The following CLASRP variants were observed in gnomAD, a reference collection of about 807,000 sequenced individuals.
The protein encoded by CLASRP is CLK4 associating serine/arginine rich protein, also known as CLK4-associating serine/arginine rich protein.
Under a neutral mutation model 99.9 loss-of-function variants are expected in CLASRP, and 52 were observed. The ratio of observed to expected loss-of-function variants is 0.52; its 90% CI spans 0.42 to 0.66. CLASRP has a LOEUF of 0.66. Among genes scored for constraint, CLASRP ranks in the 30% least tolerant of loss-of-function variants. The pLI is 0.00. For synonymous variants in CLASRP, 379 were observed against 373.0 expected (o/e 1.02, Z -0.18); for missense variants, 848 against 999.2 (o/e 0.85, Z 2.04).
intron 2 of CLASRP, among the ~76,000 whole-genome samples, chr19:45,043,956 A>G (rs1336900270): frequency 6.6e-6 from 1 of 151,720 alleles, no homozygotes; most frequent in Non-Finnish European, 1.5e-5. Flanking sequence ...ATCTCGGCTC[A>G]GTGCAACCTC....
intron 2 of CLASRP, among the ~76,000 whole-genome samples, chr19:45,046,798 T>C (rs1971925528): frequency 6.6e-6 from 1 of 152,134 alleles, no homozygotes; most frequent in Non-Finnish European, 1.5e-5. Flanking sequence ...GAGGCTGAGG[T>C]GAGCAGATCA....
chr19:45,058,718 C>T (rs1484105326), intron 7 of CLASRP, among the ~76,000 whole-genome samples: 2 of 152,066 alleles, frequency 1.3e-5, no homozygotes, highest in Non-Finnish European at 2.9e-5. Flanking sequence ...CTCTGTGGAG[C>T]CACACATTGA....
At position 45,070,860 on chromosome 19, in the gene CLASRP, G is replaced by A; in HGVS notation, c.*15G>A. 1 of 1,541,030 alleles carries A rather than the reference G, an allele frequency of 6.5e-7. No individual in the cohort carries two copies. Among genetic ancestry groups the A allele is most frequent in the South Asian group, 1.1e-5 (1 of 88,614 alleles). On this transcript the variant is annotated 3_prime_UTR_variant, in exon 21 of 21. Coordinates refer to ENST00000221455, the MANE Select transcript of CLASRP (RefSeq NM_007056.3). ...ACCGACATTAGGCAGAAGAGTGGGGGGTGGGGAGGACAAGGGGGTGGGTAA... is the reference window on the plus strand; with the variant it reads ...ACCGACATTAGGCAGAAGAGTGGGGAGTGGGGAGGACAAGGGGGTGGGTAA...
chr19:45,057,798 G>A lies in CLASRP; in HGVS notation c.513G>A (p.Thr171=), dbSNP rs200073687. The change falls in exon 7 of 21, where the codon ACG becomes ACA. Residue 171 remains threonine, a synonymous_variant. Coordinates refer to ENST00000221455, the MANE Select transcript of CLASRP (RefSeq NM_007056.3). ...TCGGTTATACCTACGAGGACAGCAC[G>A]GTGGCCGAGGTAGAGAAGGCGGCAG... is the stretch of plus-strand genomic sequence containing the variant. ...ASIGYTYEDS[T]VAEVEKAAEK... The A allele has an allele frequency of 2.5e-6, 4 of 1,613,956 alleles. No individual in the cohort carries two copies. Among genetic ancestry groups the A allele is most frequent in the African/African-American group, 2.7e-5 (2 of 74,892 alleles).
intron 15 of CLASRP, 140 bp downstream of exon 15, chr19:45,068,194 C>T (rs935911122): frequency 2.7e-6 from 2 of 747,896 alleles, no homozygotes; most frequent in South Asian, 3.1e-5. Flanking sequence ...GAAGGGTCTG[C>T]CCCTGTGAGA....
intron 13 of CLASRP, among the ~76,000 whole-genome samples, chr19:45,066,200 ACCT>A (rs1412789242): frequency 6.6e-6 from 1 of 150,840 alleles, no homozygotes; most frequent in Non-Finnish European, 1.5e-5. Context: ...GGCTCACTGC[ACCT>A]CCTCCTCCTG....
At chr19:45,058,130 C>T in intron 7 of CLASRP, 1 of 568,130 alleles carries the variant, frequency 1.8e-6, no homozygotes, top group Non-Finnish European at 3.1e-6. Context: ...ATGATCTTTT[C>T]CCCTCCTAGG....
Position 45,070,853 on chromosome 19 carries a change from AGTGGG to A in CLASRP, c.*10_*14del. 1.1e-6 allele frequency: 1 copy of A among 909,072 alleles called. No individual in the cohort carries two copies. Among genetic ancestry groups the A allele is most frequent in the Non-Finnish European group, 1.6e-6 (1 of 611,404 alleles). The allele number at this position is 909,072 out of a possible 1,614,324, so 56.3% of individuals were successfully genotyped here. A position where few individuals can be genotyped will look rare whatever the true frequency, so the allele number is the denominator to read the frequency against. ...CCCCATTACCGACATTAGGCAGAAG[AGTGGG>A]GGGTGGGGAGGACAAGGGGGTGGGT... On this transcript the variant is annotated 3_prime_UTR_variant, in exon 21 of 21. Transcript: ENST00000221455.
chr19:45,053,022 C>T, intron 4 of CLASRP, 76 bp from the exon 5 acceptor site: 1 of 1,574,112 alleles, frequency 6.4e-7, no homozygotes, highest in Non-Finnish European at 8.7e-7. Context: ...AGGGGGATGC[C>T]TCATTTCCCT....
chr19:45,064,580 C>T lies in CLASRP; in HGVS notation c.1359C>T (p.Tyr453=). The part of the protein sequence containing the change: ...SGGGSRDGHR[Y]SRSPARRGGY... ...GGGGCTCCCGAGACGGACACCGGTA[C>T]TCCCGCTCGCCCGCCCGGCGTGGTG... Residue 453 remains tyrosine, a synonymous_variant, in exon 13 of 21, where the codon TAC becomes TAT. Coordinates refer to ENST00000221455, the MANE Select transcript of CLASRP (RefSeq NM_007056.3). 1 of 1,542,744 alleles carries T rather than the reference C, an allele frequency of 6.5e-7. No individual in the cohort carries two copies.
chr19:45,062,194 C>A lies in CLASRP; in HGVS notation c.904C>A (p.Arg302=). Residue 302 remains arginine (R), a splice_region_variant and synonymous_variant, in exon 11 of 21, where the codon CGG becomes AGG. Transcript: ENST00000221455. ...CAGCCCCACCTATGACCCCTATAAGCGGTAAGTTGCTCTGGAGGACCAGGG... is the reference window on the plus strand; with the variant it reads ...CAGCCCCACCTATGACCCCTATAAGAGGTAAGTTGCTCTGGAGGACCAGGG... ...RDSPTYDPYK[R]SPSESSSESR... 1 of 1,512,402 alleles carries A rather than the reference C, an allele frequency of 6.6e-7. No homozygotes were observed. Among genetic ancestry groups the A allele is most frequent in the Non-Finnish European group, 9.2e-7 (1 of 1,087,488 alleles). 93.7% of individuals were successfully genotyped at this position (1,512,402 alleles called of 1,614,324 possible).
intron 15 of CLASRP, 96 bp from the exon 16 acceptor site, chr19:45,068,324 C>CCCCCCCCCCCCCCA: frequency 1.6e-6 from 1 of 619,144 alleles, no homozygotes; most frequent in Non-Finnish European, 2.9e-6. Context: ...CCCCCCCACC[C>CCCCCCCCCCCCCCA]CCCCCCCGCA....
At position 45,064,293 on chromosome 19, in the gene CLASRP, G is replaced by T. The variant is rs758034196; in HGVS notation, c.1122-50G>T. On this transcript the variant is annotated intron_variant, in intron 12 of 20. Transcript: ENST00000221455. ...CATGGGGGGTACCCGGGGCAGAGGG[G>T]GGCCGCGGCTCAGGCCTGCGCTGAC... The T allele has an allele frequency of 7.1e-5, 107 of 1,508,878 alleles. No individual in the cohort carries two copies. In the East Asian group the frequency reaches 2.6e-3, roughly 36 times the overall value. 93.5% of individuals were successfully genotyped at this position (1,508,878 alleles called of 1,614,324 possible). A position where few individuals can be genotyped will look rare whatever the true frequency, so the allele number is the denominator to read the frequency against.
chr19:45,057,667 C>T, intron 6 of CLASRP, 83 bp from the exon 7 acceptor site: 3 of 1,518,232 alleles, frequency 2.0e-6, no homozygotes, highest in Non-Finnish European at 2.7e-6. Flanking sequence ...GGGGCCGTGG[C>T]ACTCGAGACT....
Position 45,052,870 on chromosome 19 carries a change from A to AC in CLASRP, c.284dup (p.Leu96SerfsTer17), listed in dbSNP as rs758390677. The AC allele has an allele frequency of 3.1e-6, 5 of 1,607,740 alleles. No individual in the cohort carries two copies. Among genetic ancestry groups the AC allele is most frequent in the Non-Finnish European group, 4.2e-6 (5 of 1,177,814 alleles). ...CCACCTGGACCACATCCCCGACTAC[A>AC]CCCCCCCTCTGCTCACCACCATGTA... On this transcript the variant is annotated frameshift_variant, in exon 4 of 21. Transcript: ENST00000221455. LOFTEE classifies it high-confidence loss of function.
intron 13 of CLASRP, among the ~76,000 whole-genome samples, chr19:45,065,255 T>G (rs1348402025): frequency 6.6e-6 from 1 of 151,762 alleles, no homozygotes; most frequent in Non-Finnish European, 1.5e-5. Context: ...CTGGGTGTGG[T>G]GGCACACGCC....
chr19:45,067,434 TCCCGCAGTCGCAGCCTGA>T lies in CLASRP; in HGVS notation c.1509_1526del (p.Leu508_Ser513del). The T allele has an allele frequency of 3.9e-6, 6 of 1,535,336 alleles. No homozygotes were observed. Among genetic ancestry groups the T allele is most frequent in the Non-Finnish European group, 4.4e-6 (5 of 1,143,564 alleles). The stretch of plus-strand genomic sequence containing the variant: ...CCGCAGCAGCTGGTCCCTCAGCCCG[TCCCGCAGTCGCAGCCTGA>T]CTCGCAGCCGCAGCCATAGCCCCAG... On this transcript the variant is annotated inframe_deletion, in exon 14 of 21. Transcript: ENST00000221455. The surrounding 1 kb of genome is among the most constrained non-coding windows in gnomAD (Gnocchi z 4.9).
intron 2 of CLASRP, among the ~76,000 whole-genome samples, chr19:45,041,627 C>T (rs944996505): frequency 2.6e-5 from 4 of 152,210 alleles, no homozygotes; most frequent in African/African-American, 9.7e-5. Context: ...TCCAGTCTGT[C>T]CTTCCTAGAA....
Position 45,059,264 on chromosome 19 carries a change from G to A in CLASRP, c.614-4G>A. ...GGCTCCTGACAGCCTTTCTCTTGGT[G>A]CAGACGTGGAGGTGGACGTGGATGA... On this transcript the variant is annotated splice_polypyrimidine_tract_variant and splice_region_variant and intron_variant, in intron 7 of 20. Transcript: ENST00000221455. 2.5e-6 allele frequency: 4 copies of A among 1,607,982 alleles called. No homozygotes were observed. Among genetic ancestry groups the A allele is most frequent in the Admixed American group, 1.7e-5 (1 of 59,128 alleles).
Sources: allele counts gnomAD v4.1 joint callset (sites outside exome capture counted in the v4.1 genomes callset), GRCh38; gene constraint gnomAD v4.1.1; non-coding constraint Gnocchi (gnomAD v3.1); transcripts MANE v1.5; gene names NCBI Gene and HGNC (gene_info 2026-07-23, HGNC 2026-07-21).